HACD4: variants seen among roughly 807,000 people sequenced by gnomAD.
HACD4 encodes very-long-chain (3R)-3-hydroxyacyl-CoA dehydratase 4.
In HACD4, 35 loss-of-function variants were observed where a neutral mutation model predicts 33.3. The ratio of observed to expected loss-of-function variants is 1.05; its 90% CI spans 0.80 to 1.39. HACD4 has a LOEUF of 1.39. HACD4 is among the 40% of genes most tolerant of loss of function. The pLI, the probability that HACD4 is intolerant of heterozygous loss-of-function variation, is 0.00. For missense variants in HACD4, 323 were observed against 276.5 expected, an observed-to-expected ratio of 1.17 and a Z score of -1.19; for synonymous variants, 118 against 98.0, an observed-to-expected ratio of 1.20 and a Z score of -1.21.
intron 2 of HACD4, among the ~76,000 whole-genome samples, chr9:21,029,014 G>A (rs1464217972): frequency 6.6e-6 from 1 of 152,118 alleles, no homozygotes; most frequent in Non-Finnish European, 1.5e-5. Flanking sequence ...CTAAGGTTTG[G>A]TACAGAATGG....
At chr9:21,031,473 C>T (rs1399107983) in intron 1 of HACD4, 80 bp downstream of exon 1, 4 of 1,362,128 alleles carry the variant, frequency 2.9e-6, no homozygotes, top group Middle Eastern at 2.7e-4. Flanking sequence ...GCCGCCCGCC[C>T]GCCCGCCGCA....
intron 1 of HACD4, among the ~76,000 whole-genome samples, chr9:21,029,894 C>T (rs1753436195): frequency 6.6e-6 from 1 of 152,156 alleles, no homozygotes; most frequent in Admixed American, 6.5e-5. Context: ...GGATATCATA[C>T]CTGCACATCG....
At chr9:21,007,903 T>C (rs1045528430) in intron 6 of HACD4, 118 bp downstream of exon 6, 1 of 842,048 alleles carries the variant, frequency 1.2e-6, no homozygotes, top group Non-Finnish European at 1.7e-6. Flanking sequence ...TAGTTCATGA[T>C]GTCAGGCTTC....
chr9:21,004,618 CTTAA>C lies in HACD4; in HGVS notation c.*2415_*2418del, dbSNP rs1180427684. 6.6e-6 allele frequency: 1 copy of C among 152,500 alleles called. No individual in the cohort carries two copies. Among genetic ancestry groups the C allele is most frequent in the Non-Finnish European group, 1.5e-5 (1 of 68,272 alleles). The allele number at this position is 152,500 out of a possible 1,614,324, so 9.4% of individuals were successfully genotyped here. ...TAGCACCTTGGAACCTCATCAGGAA[CTTAA>C]TTGTCTAGCACCTTTATCTTGGACT... On this transcript the variant is annotated 3_prime_UTR_variant, in exon 7 of 7. Coordinates refer to ENST00000495827, the MANE Select transcript of HACD4 (RefSeq NM_001010915.5). This position sits in a 1 kb window ranked among gnomAD's most constrained non-coding sequence, Gnocchi z 4.6.
At chr9:21,010,420 G>A (rs937871047) in intron 5 of HACD4, among the ~76,000 whole-genome samples, 1 of 142,872 alleles carries the variant, frequency 7.0e-6, no homozygotes, top group African/African-American at 2.7e-5. Flanking sequence ...ATAAAAGAGA[G>A]GAAGGAAGCA....
At chr9:21,031,357 G>A (rs1049845614) in intron 1 of HACD4, 196 bp downstream of exon 1, 1 of 626,490 alleles carries the variant, frequency 1.6e-6, no homozygotes, top group Non-Finnish European at 2.0e-6. Flanking sequence ...AAATAACAGA[G>A]CCTGCTTCCT....
In HACD4 at chr9:21,001,673, T is replaced by C. The variant is rs1842167999; in HGVS notation, c.*5364A>G. ...GTGATCCTTAATAAGATTATCAGAT[T>C]TCTCATCAGAAACTTTGGAGGCCAG... is the stretch of plus-strand genomic sequence containing the variant. On this transcript the variant is annotated 3_prime_UTR_variant, in exon 7 of 7. Transcript: ENST00000495827. The C allele has an allele frequency of 6.6e-6, 1 of 152,126 alleles. No homozygotes were observed. Among genetic ancestry groups the C allele is most frequent in the African/African-American group, 2.4e-5 (1 of 41,442 alleles). 9.4% of individuals were successfully genotyped at this position (152,126 alleles called of 1,614,324 possible).
chr9:21,026,850 C>T (rs562025891), intron 2 of HACD4, 127 bp from the exon 3 acceptor site: 86 of 720,926 alleles, frequency 1.2e-4, no homozygotes, highest in South Asian at 1.0e-3. Context: ...GTGAAAAATT[C>T]CTTAAGTAGG....
At chr9:21,029,270 TA>T in intron 2 of HACD4, 24 bp downstream of exon 2, 2 of 1,346,498 alleles carry the variant, frequency 1.5e-6, no homozygotes, top group South Asian at 1.2e-5. Context: ...AAGTTAAAAA[TA>T]AAAAAACTGT....
rs750999754 is a variant in HACD4 at position 21,026,688 on chromosome 9, C to G, written c.178G>C (p.Val60Leu). Residue 60 changes from valine to leucine, a missense_variant, in exon 3 of 7, where the codon GTG becomes CTG. Physicochemically the swap from Val to Leu is conservative, Grantham distance 32. Transcript: ENST00000495827. ...MVDTFYAIGLVMRLCQSVSLL... is the reference protein window; with the variant it reads ...MVDTFYAIGLLMRLCQSVSLL... ...GATACGGATTGGCAAAGTCGCATCA[C>G]AAGTCCAATAGCATAAAAAGTGTCA... 1.2e-6 allele frequency: 2 copies of G among 1,613,588 alleles called. No homozygotes were observed. The highest frequency in any genetic ancestry group is 1.7e-6 in the Non-Finnish European group (2 of 1,179,502).
intron 5 of HACD4, among the ~76,000 whole-genome samples, chr9:21,010,467 C>A (rs80181430): frequency 1.7e-5 from 2 of 117,768 alleles, no homozygotes; most frequent in African/African-American, 6.5e-5. Flanking sequence ...CCCCCCCCCC[C>A]CCCAGAGCTT....
In HACD4 at chr9:21,010,456, A is replaced by ATCCCCCCCC. The variant is rs1353043927; in HGVS notation, c.490+1132_490+1133insGGGGGGGGA. On this transcript the variant is annotated intron_variant, in intron 5 of 6. Coordinates refer to ENST00000495827, the MANE Select transcript of HACD4 (RefSeq NM_001010915.5). ...AAGAAACAGACTCAGACATCCTGGTACCCCCCCCCCCCCCAGAGCTTACAG... is the reference window on the plus strand; with the variant it reads ...AAGAAACAGACTCAGACATCCTGGTATCCCCCCCCCCCCCCCCCCCCCCAGAGCTTACAG... Among the ~76,000 whole-genome samples the ATCCCCCCCC allele has an allele frequency of 1.2e-4, 13 of 104,984 alleles. 3 individuals are homozygous for ATCCCCCCCC. The highest frequency in any genetic ancestry group is 3.1e-4 in the African/African-American group (7 of 22,568). 68.9% of individuals were successfully genotyped at this position (104,984 alleles called of 152,430 possible).
intron 4 of HACD4, among the ~76,000 whole-genome samples, chr9:21,011,959 C>T (rs1842448859): frequency 2.0e-5 from 3 of 152,152 alleles, no homozygotes; most frequent in South Asian, 4.1e-4. Flanking sequence ...AATACAGTTA[C>T]AAATTTCCTT....
At chr9:21,007,791 G>T (rs1299770335) in intron 6 of HACD4, among the ~76,000 whole-genome samples, 1 of 152,096 alleles carries the variant, frequency 6.6e-6, no homozygotes, top group Non-Finnish European at 1.5e-5. Context: ...TATATTTTCT[G>T]ATAGTAAAAT....
chr9:21,022,607 C>CTGCATGAGCA (rs1468255542), intron 3 of HACD4, among the ~76,000 whole-genome samples: 1 of 144,960 alleles, frequency 6.9e-6, no homozygotes, highest in Non-Finnish European at 1.5e-5. Context: ...AGCCAACAGA[C>CTGCATGAGCA]ACATGAAAAA....
intron 2 of HACD4, among the ~76,000 whole-genome samples, chr9:21,027,094 ATGTGCTCACAGCTTCTCCACT>A (rs1333585974): frequency 3.9e-5 from 6 of 152,250 alleles, no homozygotes; most frequent in African/African-American, 1.4e-4. Context: ...TAAGGACACT[ATGTGCTCACAGCTTCTCCACT>A]GACAAGAAAA....
rs1842136197 is a variant in HACD4 at position 20,999,591 on chromosome 9, C to T, written c.*7446G>A. ...ATTCTAGAAGTAGCATGTTAAGATACTTATATAAGTTGAAAGAAAAAAACA... is the reference window on the plus strand; with the variant it reads ...ATTCTAGAAGTAGCATGTTAAGATATTTATATAAGTTGAAAGAAAAAAACA... On this transcript the variant is annotated 3_prime_UTR_variant, in exon 7 of 7. Coordinates refer to ENST00000495827, the MANE Select transcript of HACD4 (RefSeq NM_001010915.5). The T allele has an allele frequency of 6.9e-6, 1 of 145,212 alleles. No homozygotes were observed. The highest frequency in any genetic ancestry group is 1.5e-5 in the Non-Finnish European group (1 of 66,668). The allele number at this position is 145,212 out of a possible 1,614,324, so 9.0% of individuals were successfully genotyped here.
Position 21,002,103 on chromosome 9 carries a change from CAG to C in HACD4, c.*4932_*4933del, listed in dbSNP as rs1035250236. 40 of 151,928 alleles carry C rather than the reference CAG, an allele frequency of 2.6e-4. No homozygotes were observed. Among genetic ancestry groups the C allele is most frequent in the African/African-American group, 9.4e-4 (39 of 41,398 alleles). The allele number at this position is 151,928 out of a possible 1,614,324, so 9.4% of individuals were successfully genotyped here. ...TTGTGAAACTTAAAGGAGTGATAGA[CAG>C]AGATATAAAGAGCAGAATTTTTGTA... On this transcript the variant is annotated 3_prime_UTR_variant, in exon 7 of 7. Coordinates refer to ENST00000495827, the MANE Select transcript of HACD4 (RefSeq NM_001010915.5).
chr9:21,015,894 T>G lies in HACD4; in HGVS notation c.383+4A>C. ...TGTTTTAAGAGATTATTTTGCCTTC[T>G]TACCTAACCATATCCAATAGATTCC... is the stretch of plus-strand genomic sequence containing the variant. On this transcript the variant is annotated splice_donor_region_variant and intron_variant, in intron 4 of 6. Coordinates refer to ENST00000495827, the MANE Select transcript of HACD4 (RefSeq NM_001010915.5). 6.3e-7 allele frequency: 1 copy of G among 1,592,544 alleles called. No individual in the cohort carries two copies. The highest frequency in any genetic ancestry group is 8.6e-7 in the Non-Finnish European group (1 of 1,160,996).
Sources: gnomAD v4.1 joint callset for allele counts (sites outside exome capture counted in the v4.1 genomes callset) on GRCh38, gnomAD v4.1.1 for gene constraint, Gnocchi (gnomAD v3.1) non-coding constraint, MANE v1.5 for transcripts, NCBI Gene and HGNC (gene_info 2026-07-23, HGNC 2026-07-21) for gene names.